CLVS1: variants seen among roughly 807,000 people sequenced by gnomAD.
The protein encoded by CLVS1 is clavesin 1, also known as clavesin-1.
In CLVS1, 10 loss-of-function variants were observed where a neutral mutation model predicts 33.1. The ratio of observed to expected loss-of-function variants is 0.30; its 90% CI spans 0.19 to 0.51. The LOEUF (loss-of-function observed/expected upper bound fraction) is 0.51. CLVS1 is among the 20% of genes least tolerant of loss of function. The pLI is 0.97. For missense variants in CLVS1, 343 were observed against 433.4 expected (o/e 0.79, Z 1.85); for synonymous variants, 163 against 166.1 (o/e 0.98, Z 0.14).
chr8:60,967,538 A>G, the CLVS1 span: 1 of 415,072 alleles, frequency 2.4e-6, no homozygotes, highest in Non-Finnish European at 4.9e-6. Context: ...GGACGGCTTG[A>G]GGTGTGGGTG....
chr8:61,003,238 C>T, the CLVS1 span, among the ~76,000 whole-genome samples: 1 of 152,100 alleles, frequency 6.6e-6, no homozygotes, highest in Non-Finnish European at 1.5e-5. Flanking sequence ...GGGTCACTTT[C>T]AAGGATTAGA....
At chr8:61,286,750 A>C (rs1378017131), upstream of CLVS1, among the ~76,000 whole-genome samples, 2 of 152,248 alleles carry the variant, frequency 1.3e-5, no homozygotes, top group East Asian at 1.9e-4. Flanking sequence ...ATATTTAATA[A>C]GTTTTCTAAC....
intron 1 of CLVS1, among the ~76,000 whole-genome samples, chr8:61,076,497 G>A (rs894457071): frequency 9.9e-5 from 15 of 152,208 alleles, no homozygotes; most frequent in African/African-American, 3.6e-4. Flanking sequence ...ACATATCAGG[G>A]AGTGTTTTTC....
chr8:61,193,446 C>T (rs189234868), intron 2 of CLVS1, among the ~76,000 whole-genome samples: 1 of 151,946 alleles, frequency 6.6e-6, no homozygotes, highest in African/African-American at 2.4e-5. Flanking sequence ...TGCAGCACAC[C>T]AACATGGCAC....
Position 61,157,915 on chromosome 8 carries a change from T to C in CLVS1, c.-152+26055T>C, listed in dbSNP as rs181121198. 4.0e-3 allele frequency among the ~76,000 whole-genome samples: 607 copies of C among 151,830 alleles called. 4 individuals are homozygous for C. Among genetic ancestry groups the C allele is most frequent in the Non-Finnish European group, 4.5e-3 (305 of 67,942 alleles). ...AACTTCCATACATTGCCAGTGGGAG[T>C]GTAAAATGGTATACCATGTTTAGCA... On this transcript the variant is annotated intron_variant, in intron 2 of 2. Transcript: ENST00000522621.
intron 3 of CLVS1, among the ~76,000 whole-genome samples, chr8:61,411,900 G>C (rs1449205465): frequency 2.0e-5 from 3 of 152,160 alleles, no homozygotes; most frequent in Non-Finnish European, 4.4e-5. Context: ...GGGCATTTTG[G>C]GTATCTGAGG....
At chr8:61,172,817 T>C (rs1306874609) in intron 2 of CLVS1, among the ~76,000 whole-genome samples, 1 of 152,168 alleles carries the variant, frequency 6.6e-6, no homozygotes, top group Non-Finnish European at 1.5e-5. Context: ...ATCTTTAGTG[T>C]GTGCCTTCTG....
intron 1 of CLVS1, among the ~76,000 whole-genome samples, chr8:61,098,531 C>A (rs1212510424): frequency 6.6e-6 from 1 of 151,932 alleles, no homozygotes; most frequent in Non-Finnish European, 1.5e-5. Context: ...GCATAATAAC[C>A]ATCACACTTT....
chr8:61,317,105 C>G (rs561090081), intron 2 of CLVS1, among the ~76,000 whole-genome samples: 2 of 152,142 alleles, frequency 1.3e-5, no homozygotes, highest in East Asian at 3.9e-4. Flanking sequence ...TAACAAAATA[C>G]CTGGGGCTTG....
At chr8:61,474,610 A>G (rs970739343) in intron 5 of CLVS1, among the ~76,000 whole-genome samples, 3 of 152,176 alleles carry the variant, frequency 2.0e-5, no homozygotes, top group Admixed American at 6.5e-5. Context: ...TGGAAGGTGT[A>G]GGAGAGGGAA....
At chr8:61,108,572 A>G (rs1314453754) in intron 1 of CLVS1, among the ~76,000 whole-genome samples, 1 of 152,216 alleles carries the variant, frequency 6.6e-6, no homozygotes, top group East Asian at 1.9e-4. Flanking sequence ...TTATTATGTA[A>G]TACTTCCATG....
the CLVS1 span, among the ~76,000 whole-genome samples, chr8:60,980,217 G>C: frequency 3.2e-3 from 487 of 152,316 alleles, 2 homozygotes; most frequent in African/African-American, 0.011. Context: ...TCCTCTTCTA[G>C]GTCTTGGGGA....
intron 2 of CLVS1, among the ~76,000 whole-genome samples, chr8:61,367,897 A>T (rs916901595): frequency 6.6e-6 from 1 of 152,222 alleles, no homozygotes; most frequent in Non-Finnish European, 1.5e-5. Flanking sequence ...CAACGTACAG[A>T]ATCATTAAAT....
intron 2 of CLVS1, among the ~76,000 whole-genome samples, chr8:61,336,935 G>A (rs1396002151): frequency 6.6e-6 from 1 of 152,174 alleles, no homozygotes; most frequent in African/African-American, 2.4e-5. Context: ...GAGGGAATAG[G>A]TTATGGCAAA....
At chr8:61,452,939 G>A (rs1242273614) in intron 3 of CLVS1, among the ~76,000 whole-genome samples, 2 of 152,100 alleles carry the variant, frequency 1.3e-5, no homozygotes, top group Non-Finnish European at 2.9e-5. Context: ...TAGACTCAAA[G>A]GGCTCTGAAA....
intron 1 of CLVS1, among the ~76,000 whole-genome samples, chr8:61,097,427 T>C (rs1000416744): frequency 1.3e-5 from 2 of 152,362 alleles, no homozygotes; most frequent in East Asian, 3.9e-4. Flanking sequence ...CTCACAGTAC[T>C]GTGCCTTTTT....
chr8:61,288,332 G>GC (rs1354785487), intron 1 of CLVS1, 194 bp downstream of exon 1: 1 of 451,062 alleles, frequency 2.2e-6, no homozygotes, highest in Non-Finnish European at 4.5e-6. Context: ...TCCTCCCGGC[G>GC]CCCGCTCAGC....
At chr8:61,136,261 A>T (rs889685630) in intron 2 of CLVS1, among the ~76,000 whole-genome samples, 1 of 152,210 alleles carries the variant, frequency 6.6e-6, no homozygotes, top group Non-Finnish European at 1.5e-5. Flanking sequence ...GGGAGGCTGG[A>T]GATGTGATTT....
At chr8:61,355,075 C>T (rs571101878) in intron 2 of CLVS1, among the ~76,000 whole-genome samples, 1 of 152,248 alleles carries the variant, frequency 6.6e-6, no homozygotes, top group Admixed American at 6.5e-5. Flanking sequence ...CCACCTACGC[C>T]CAAAACAAAT....
Sources: gnomAD v4.1 joint callset for allele counts (sites outside exome capture counted in the v4.1 genomes callset) on GRCh38, gnomAD v4.1.1 for gene constraint, MANE v1.5 for transcripts, NCBI Gene and HGNC (gene_info 2026-07-23, HGNC 2026-07-21) for gene names.